GPATCH8: variants seen among roughly 807,000 people sequenced by gnomAD.
GPATCH8 encodes G-patch domain containing 8.
GPATCH8 carries 18 observed loss-of-function variants against 118.3 expected under a neutral mutation model. The ratio of observed to expected loss-of-function variants is 0.15; its 90% CI spans 0.11 to 0.23. The LOEUF (loss-of-function observed/expected upper bound fraction) is 0.23, where lower values mean the gene tolerates loss of function less well. Ranked by LOEUF, GPATCH8 falls within the 10% of genes least tolerant of loss-of-function variation. The pLI is 1.00. For synonymous variants in GPATCH8, 659 were observed against 684.7 expected (o/e 0.96, Z 0.59); for missense variants, 1,631 against 1,873.8 (o/e 0.87, Z 2.39).
intron 1 of GPATCH8, among the ~76,000 whole-genome samples, chr17:44,482,640 G>A (rs1474227620): frequency 2.0e-5 from 3 of 149,990 alleles, no homozygotes; most frequent in African/African-American, 7.4e-5. Context: ...AAACCACCAT[G>A]GTACATGTAT....
Position 44,482,391 on chromosome 17 carries a change from G to C in GPATCH8, c.46-7488C>G, listed in dbSNP as rs1968322943. ...GTTCAAGACCAGCCTGGCCAACATG[G>C]TGAAACCCCGTCTCTACTAAAAACA... On this transcript the variant is annotated intron_variant, in intron 1 of 7. Coordinates refer to ENST00000591680, the MANE Select transcript of GPATCH8 (RefSeq NM_001002909.4). Among the ~76,000 whole-genome samples, 3 of 151,760 alleles carry C rather than the reference G, an allele frequency of 2.0e-5. No individual in the cohort carries two copies. In the South Asian group the frequency reaches 6.2e-4, roughly 32 times the overall value.
rs779503239 is a variant in GPATCH8 at position 44,436,588 on chromosome 17, C to A, written c.194-43G>T. ...AATCAAGGTAAGGTGCAAAGCCAAA[C>A]CAACAGCTCATTTTACACATTGGGT... On this transcript the variant is annotated intron_variant, in intron 3 of 7. Transcript: ENST00000591680. 6 of 930,908 alleles carry A rather than the reference C, an allele frequency of 6.4e-6. No homozygotes were observed. In the Admixed American group the frequency reaches 8.4e-5, roughly 13 times the overall value. The allele number at this position is 930,908 out of a possible 1,614,324, so 57.7% of individuals were successfully genotyped here.
intron 2 of GPATCH8, chr17:44,466,055 C>A (rs1166028723): frequency 6.6e-6 from 1 of 152,086 alleles, no homozygotes; most frequent in Non-Finnish European, 1.5e-5. Context: ...TCTTGCTCTG[C>A]TGCCCAGGCT....
At chr17:44,421,367 C>CT (rs1291706608) in intron 6 of GPATCH8, among the ~76,000 whole-genome samples, 1 of 150,922 alleles carries the variant, frequency 6.6e-6, no homozygotes, top group African/African-American at 2.4e-5. Context: ...ACAAAAAAAC[C>CT]TTTTTTTTCT....
rs1412678032 is a variant in GPATCH8, at chr17:44,395,824, C to T, written c.*1744G>A. On this transcript the variant is annotated 3_prime_UTR_variant, in exon 8 of 8. Transcript: ENST00000591680. ...AGCCACACGAATAGTTAGGAAAATG[C>T]CAAAGTGGGAATTGTTAACCTCATC... 2 of 454,070 alleles carry T rather than the reference C, an allele frequency of 4.4e-6. No homozygotes were observed. Among genetic ancestry groups the T allele is most frequent in the East Asian group, 1.4e-4 (2 of 14,398 alleles). 28.1% of individuals were successfully genotyped at this position (454,070 alleles called of 1,614,324 possible). A position where few individuals can be genotyped will look rare whatever the true frequency, so the allele number is the denominator to read the frequency against.
At chr17:44,424,275 G>T in intron 6 of GPATCH8, 74 bp downstream of exon 6, 1 of 1,000,886 alleles carries the variant, frequency 1.0e-6, no homozygotes, top group Non-Finnish European at 1.6e-6. Context: ...AGTTTTGGGG[G>T]GTATACTCAT....
At chr17:44,483,282 ACT>A (rs1264006586) in intron 1 of GPATCH8, among the ~76,000 whole-genome samples, 1 of 121,408 alleles carries the variant, frequency 8.2e-6, no homozygotes, top group African/African-American at 3.1e-5. Flanking sequence ...ATGGAGTCTC[ACT>A]CTGTCACCTA....
intron 1 of GPATCH8, among the ~76,000 whole-genome samples, chr17:44,487,829 T>C (rs1386848034): frequency 1.3e-5 from 2 of 152,160 alleles, no homozygotes; most frequent in Non-Finnish European, 1.5e-5. Flanking sequence ...TACCAGGGAT[T>C]AGTGATTGCT....
At chr17:44,415,791 A>G (rs2143812411) in intron 6 of GPATCH8, among the ~76,000 whole-genome samples, 1 of 152,356 alleles carries the variant, frequency 6.6e-6, no homozygotes, top group Non-Finnish European at 1.5e-5. Flanking sequence ...AATTAAGTGT[A>G]AGGGGCAGAA....
intron 1 of GPATCH8, among the ~76,000 whole-genome samples, chr17:44,480,360 T>C (rs1306561522): frequency 6.6e-6 from 1 of 151,982 alleles, no homozygotes; most frequent in Non-Finnish European, 1.5e-5. Flanking sequence ...GGCAGGAGAA[T>C]CACGAGGTCA....
At chr17:44,425,318 C>T (rs2050051185) in intron 5 of GPATCH8, among the ~76,000 whole-genome samples, 1 of 152,098 alleles carries the variant, frequency 6.6e-6, no homozygotes, top group South Asian at 2.1e-4. Flanking sequence ...AGTCTTATCT[C>T]AAAGACTATA....
At chr17:44,459,167 T>C (rs537697205) in intron 3 of GPATCH8, among the ~76,000 whole-genome samples, 2 of 152,166 alleles carry the variant, frequency 1.3e-5, no homozygotes, top group Non-Finnish European at 2.9e-5. Context: ...ATTAGGGATT[T>C]AGGGGCTCTA....
chr17:44,446,121 A>AT (rs911823392), intron 3 of GPATCH8, among the ~76,000 whole-genome samples: 40 of 149,284 alleles, frequency 2.7e-4, no homozygotes, highest in Non-Finnish European at 3.0e-4. Flanking sequence ...AAAAAAAAAA[A>AT]TTTTTTTTTG....
chr17:44,444,826 T>G (rs372410698), intron 3 of GPATCH8, among the ~76,000 whole-genome samples: 4 of 152,152 alleles, frequency 2.6e-5, no homozygotes, highest in African/African-American at 9.7e-5. Context: ...TTACTTATGT[T>G]TATATCCATA....
rs755179686 is a variant in GPATCH8 at position 44,396,777 on chromosome 17, TA to T, written c.*790del. On this transcript the variant is annotated 3_prime_UTR_variant, in exon 8 of 8. Transcript: ENST00000591680. ...TAGAGTTCAGTGCAATTTTTTACAT[TA>T]AAAAAATCCTATAAATTAAGAAGGA... The T allele has an allele frequency of 6.6e-6, 3 of 453,708 alleles. No individual in the cohort carries two copies. The highest frequency in any genetic ancestry group is 1.3e-5 in the Non-Finnish European group (3 of 226,682). 28.1% of individuals were successfully genotyped at this position (453,708 alleles called of 1,614,324 possible).
intron 3 of GPATCH8, among the ~76,000 whole-genome samples, chr17:44,442,748 G>A (rs572993951): frequency 2.0e-5 from 3 of 152,226 alleles, no homozygotes; most frequent in East Asian, 3.9e-4. Flanking sequence ...ACAGGTGTAA[G>A]CCAATGAGCC....
At chr17:44,502,560 A>G (rs1295467868) in intron 1 of GPATCH8, among the ~76,000 whole-genome samples, 2 of 152,138 alleles carry the variant, frequency 1.3e-5, no homozygotes, top group African/African-American at 2.4e-5. Context: ...ATTTTTCCAT[A>G]CTAACATTTG....
intron 6 of GPATCH8, among the ~76,000 whole-genome samples, chr17:44,407,766 C>T (rs1191160561): frequency 6.6e-6 from 1 of 151,654 alleles, no homozygotes; most frequent in Non-Finnish European, 1.5e-5. Context: ...AAGAGATTCT[C>T]ATGCGTTAGC....
At chr17:44,452,521 T>C (rs1164672631) in intron 3 of GPATCH8, among the ~76,000 whole-genome samples, 1 of 152,170 alleles carries the variant, frequency 6.6e-6, no homozygotes, top group Non-Finnish European at 1.5e-5. Flanking sequence ...GTCTTCATAG[T>C]TGACCTGTTT....
Sources: gnomAD v4.1 joint callset for allele counts (sites outside exome capture counted in the v4.1 genomes callset) on GRCh38, gnomAD v4.1.1 for gene constraint, MANE v1.5 for transcripts, NCBI Gene and HGNC (gene_info 2026-07-23, HGNC 2026-07-21) for gene names.